The following SLIT3 variants were observed in gnomAD, a reference collection of about 807,000 sequenced individuals.
The protein encoded by SLIT3 is slit guidance ligand 3, also known as slit homolog 3 protein.
In SLIT3, 68 loss-of-function variants were observed where a neutral mutation model predicts 184.0. The ratio of observed to expected loss-of-function variants is 0.37; its 90% CI spans 0.30 to 0.45. SLIT3 has a LOEUF of 0.45. SLIT3 is among the 20% of genes least tolerant of loss of function. The probability of loss-of-function intolerance (pLI) is 1.00; values close to 1 mark genes in which losing one functional copy is unlikely to be tolerated. For missense variants in SLIT3, 1,707 were observed against 2,026.0 expected, an observed-to-expected ratio of 0.84 and a Z score of 3.02; for synonymous variants, 831 against 828.6, an observed-to-expected ratio of 1.00 and a Z score of -0.05.
chr5:168,707,847 G>A, intron 26 of SLIT3, 129 bp downstream of exon 26: 2 of 1,132,370 alleles, frequency 1.8e-6, no homozygotes, highest in South Asian at 1.5e-5. Flanking sequence ...GTGGTGACCT[G>A]TGCGATGGAC....
Position 168,700,688 on chromosome 5 carries a change from C to T in SLIT3, c.2845-9G>A. 1 of 1,611,238 alleles carries T rather than the reference C, an allele frequency of 6.2e-7. No homozygotes were observed. Among genetic ancestry groups the T allele is most frequent in the South Asian group, 1.1e-5 (1 of 90,914 alleles). On this transcript the variant is annotated splice_polypyrimidine_tract_variant and intron_variant, in intron 26 of 35. Coordinates refer to ENST00000519560, the MANE Select transcript of SLIT3 (RefSeq NM_003062.4). Reference sequence around the variant, plus strand: ...ACAGTGCAGTCCTTGCCCTGAGGAGCAAAAGAGGGAGAAGCACCTGGTTAG... The same window carrying T: ...ACAGTGCAGTCCTTGCCCTGAGGAGTAAAAGAGGGAGAAGCACCTGGTTAG...
At chr5:168,722,203 C>T (rs528996848) in intron 23 of SLIT3, 53 bp downstream of exon 23, 67 of 1,519,400 alleles carry the variant, frequency 4.4e-5, no homozygotes, top group Non-Finnish European at 5.8e-5. Flanking sequence ...TAGTCTGCTT[C>T]CTGCTGTCAC....
chr5:168,831,068 A>T (rs1248477424), intron 6 of SLIT3, among the ~76,000 whole-genome samples: 1 of 152,254 alleles, frequency 6.6e-6, no homozygotes, highest in Non-Finnish European at 1.5e-5. Flanking sequence ...AACGCAGGAC[A>T]GAGGACAACT....
At chr5:169,050,810 G>A (rs111944777) in intron 4 of SLIT3, among the ~76,000 whole-genome samples, 15 of 152,056 alleles carry the variant, frequency 9.9e-5, no homozygotes, top group African/African-American at 1.7e-4. Context: ...GTATCACGGC[G>A]AGATCACATT....
chr5:168,886,887 AC>A (rs1760238119), intron 4 of SLIT3, among the ~76,000 whole-genome samples: 1 of 152,144 alleles, frequency 6.6e-6, no homozygotes, highest in Non-Finnish European at 1.5e-5. Context: ...AAAACACAAG[AC>A]CAAAGAGGAC....
chr5:168,882,060 C>T (rs967623174), intron 5 of SLIT3, among the ~76,000 whole-genome samples: 2 of 152,338 alleles, frequency 1.3e-5, no homozygotes, highest in African/African-American at 4.8e-5. Flanking sequence ...AAGCTTTCCG[C>T]TAAGTCCACA....
At chr5:168,886,443 A>G (rs1168288761) in intron 4 of SLIT3, among the ~76,000 whole-genome samples, 1 of 152,154 alleles carries the variant, frequency 6.6e-6, no homozygotes, top group Non-Finnish European at 1.5e-5. Context: ...ACTATCCTCG[A>G]GAGAGACAAG....
chr5:169,237,692 G>C (rs1432072859), intron 3 of SLIT3, among the ~76,000 whole-genome samples: 3 of 152,096 alleles, frequency 2.0e-5, no homozygotes, highest in Non-Finnish European at 2.9e-5. Context: ...TTACTTGCCA[G>C]CTGTATATCC....
intron 12 of SLIT3, among the ~76,000 whole-genome samples, chr5:168,779,183 G>A (rs1444330346): frequency 1.3e-5 from 2 of 152,110 alleles, no homozygotes; most frequent in Non-Finnish European, 1.5e-5. Context: ...TCCACAACCC[G>A]TAAGAGGTAG....
chr5:168,882,015 C>T (rs1759973883), intron 5 of SLIT3, among the ~76,000 whole-genome samples: 1 of 152,166 alleles, frequency 6.6e-6, no homozygotes, highest in East Asian at 1.9e-4. Flanking sequence ...AGAGACGCCT[C>T]TGCCCTCTTG....
chr5:169,271,374 C>T (rs910557486), intron 1 of SLIT3, among the ~76,000 whole-genome samples: 4 of 152,166 alleles, frequency 2.6e-5, no homozygotes, highest in African/African-American at 7.2e-5. Context: ...CTCATTCCTG[C>T]GATTACACCT....
intron 4 of SLIT3, among the ~76,000 whole-genome samples, chr5:169,078,236 A>G (rs1758822894): frequency 6.6e-6 from 1 of 152,166 alleles, no homozygotes; most frequent in African/African-American, 2.4e-5. Context: ...CCCCAGGCCC[A>G]AGTCCAACGC....
intron 8 of SLIT3, among the ~76,000 whole-genome samples, chr5:168,810,645 T>A (rs1308854924): frequency 1.3e-5 from 2 of 152,294 alleles, no homozygotes; most frequent in South Asian, 4.1e-4. Context: ...GGGCTCTCTA[T>A]CTGAAGCCAA....
At chr5:169,232,604 G>C (rs1014802188) in intron 3 of SLIT3, among the ~76,000 whole-genome samples, 2 of 152,094 alleles carry the variant, frequency 1.3e-5, no homozygotes, top group African/African-American at 4.8e-5. Flanking sequence ...GCATTAGTAG[G>C]GATCAACAGA....
chr5:168,844,977 G>A (rs566129868), intron 5 of SLIT3: 1 of 312,674 alleles, frequency 3.2e-6, no homozygotes, highest in Non-Finnish European at 5.8e-6. Context: ...AGCTCTTACC[G>A]TCATGTCACT....
At chr5:169,286,824 C>T (rs1417833183) in intron 1 of SLIT3, among the ~76,000 whole-genome samples, 1 of 152,226 alleles carries the variant, frequency 6.6e-6, no homozygotes, top group Non-Finnish European at 1.5e-5. Context: ...TGCAATGGGG[C>T]CTCTTTGTTC....
intron 4 of SLIT3, among the ~76,000 whole-genome samples, chr5:168,996,068 C>G (rs980242108): frequency 6.6e-6 from 1 of 152,176 alleles, no homozygotes; most frequent in African/African-American, 2.4e-5. Context: ...GCACTTAGCA[C>G]GGGGCCAGGC....
intron 4 of SLIT3, among the ~76,000 whole-genome samples, chr5:168,886,244 T>G (rs1291946258): frequency 6.6e-6 from 1 of 152,204 alleles, no homozygotes; most frequent in Admixed American, 6.5e-5. Flanking sequence ...ATTGATTTCA[T>G]AAATACCTCC....
chr5:168,752,857 A>C, intron 18 of SLIT3, 98 bp downstream of exon 18: 2 of 1,241,206 alleles, frequency 1.6e-6, no homozygotes, highest in Non-Finnish European at 2.3e-6. Context: ...GGACAGACAG[A>C]TAGATGAGCC....
Sources: allele counts gnomAD v4.1 joint callset (sites outside exome capture counted in the v4.1 genomes callset), GRCh38; gene constraint gnomAD v4.1.1; transcripts MANE v1.5; gene names NCBI Gene and HGNC (gene_info 2026-07-23, HGNC 2026-07-21).